Variants in PCDH15 observed in about 807,000 individuals in gnomAD.
PCDH15 encodes the protein protocadherin related 15, also known as protocadherin-15.
In PCDH15, 129 loss-of-function variants were observed where a neutral mutation model predicts 178.5. The observed-to-expected ratio is 0.72, with a 90% CI of 0.63 to 0.84. PCDH15 has a LOEUF of 0.84. Among genes scored for constraint, PCDH15 ranks in the 40% least tolerant of loss-of-function variants. The pLI, the probability that PCDH15 is intolerant of heterozygous loss-of-function variation, is 0.00. For synonymous variants in PCDH15, 800 were observed against 732.0 expected (o/e 1.09, Z -1.50); for missense variants, 2,230 against 2,099.9 (o/e 1.06, Z -1.21).
chr10:53,831,576 G>C (rs2077018541), intron 29 of PCDH15, 43 bp from the exon 30 acceptor site: 5 of 1,354,004 alleles, frequency 3.7e-6, no homozygotes, highest in Middle Eastern at 3.9e-4. Flanking sequence ...TGCTAGCAGA[G>C]AAAGAGCATT....
intron 1 of PCDH15, among the ~76,000 whole-genome samples, chr10:55,183,391 A>G (rs1225112029): frequency 6.6e-6 from 1 of 151,938 alleles, no homozygotes; most frequent in African/African-American, 2.4e-5. Flanking sequence ...TTTCAGAACT[A>G]TTCCTGAAAC....
intron 2 of PCDH15, among the ~76,000 whole-genome samples, chr10:55,094,175 C>A (rs1282685079): frequency 6.6e-6 from 1 of 152,136 alleles, no homozygotes; most frequent in South Asian, 2.1e-4. Flanking sequence ...GGATTAAGAA[C>A]ATGTGGCACA....
chr10:54,192,129 A>AG lies in PCDH15; in HGVS notation c.1305+3553_1305+3554insC, dbSNP rs1491502983. Among the ~76,000 whole-genome samples, 801 of 123,702 alleles carry AG rather than the reference A, an allele frequency of 6.5e-3. 12 individuals are homozygous for AG. The highest frequency in any genetic ancestry group is 0.028 in the African/African-American group (753 of 26,516). The allele number at this position is 123,702 out of a possible 152,430, so 81.2% of individuals were successfully genotyped here. On this transcript the variant is annotated intron_variant, in intron 11 of 37. Transcript: ENST00000644397. ...AAAGAAAAAAAAAAAAGAAAGAAAG[A>AG]AAGAGAAAGAGAAAGAAAGAAAGAA...
In PCDH15 at chr10:55,286,573, C is replaced by A. The variant is rs115778500; in HGVS notation, c.-156+33026G>T. 9.7e-3 allele frequency among the ~76,000 whole-genome samples: 1,465 copies of A among 151,640 alleles called. 23 individuals carry two copies. Among genetic ancestry groups the A allele is most frequent in the African/African-American group, 0.032 (1,335 of 41,404 alleles). On this transcript the variant is annotated intron_variant, in intron 1 of 5. Transcript: ENST00000458638. ...TTTATTGAATGCCACCTATGTTGTC[C>A]TTGCTGTAGGTGCTACAAATACAAG...
At chr10:54,415,428 T>C (rs1164077211) in intron 3 of PCDH15, among the ~76,000 whole-genome samples, 2 of 151,724 alleles carry the variant, frequency 1.3e-5, no homozygotes, top group Non-Finnish European at 2.9e-5. Flanking sequence ...AAGAGAGAAG[T>C]ACTAAAGTAA....
At chr10:55,406,906 G>A (rs1449014536) in intron 2 of PCDH15, among the ~76,000 whole-genome samples, 3 of 152,106 alleles carry the variant, frequency 2.0e-5, no homozygotes, top group Non-Finnish European at 4.4e-5. Flanking sequence ...AGTTAATTAG[G>A]ATAAAAACAT....
At chr10:54,922,470 T>A (rs976377912) in intron 2 of PCDH15, among the ~76,000 whole-genome samples, 3 of 152,032 alleles carry the variant, frequency 2.0e-5, no homozygotes, top group African/African-American at 7.2e-5. Flanking sequence ...GGCTCATATG[T>A]GGAAAGGAGT....
At chr10:53,897,080 T>C (rs370614834) in intron 26 of PCDH15, among the ~76,000 whole-genome samples, 148 of 152,206 alleles carry the variant, frequency 9.7e-4, no homozygotes, top group African/African-American at 3.3e-3. Flanking sequence ...GCCAAAAAGG[T>C]TGGGGACCGC....
chr10:55,566,196 G>A (rs1236510835), intron 2 of PCDH15, among the ~76,000 whole-genome samples: 1 of 151,080 alleles, frequency 6.6e-6, no homozygotes, highest in Non-Finnish European at 1.5e-5. Context: ...AACAATGAAG[G>A]GTAAGAATCA....
chr10:55,571,206 T>G (rs1379248490), intron 2 of PCDH15, among the ~76,000 whole-genome samples: 1 of 152,076 alleles, frequency 6.6e-6, no homozygotes, highest in Non-Finnish European at 1.5e-5. Flanking sequence ...TTTTGCCATG[T>G]GATGCACAGG....
intron 8 of PCDH15, among the ~76,000 whole-genome samples, chr10:54,280,243 T>A (rs2132698926): frequency 6.6e-6 from 1 of 151,646 alleles, no homozygotes; most frequent in Middle Eastern, 3.4e-3. Flanking sequence ...TCATGTGGCT[T>A]CTGTGATTTT....
At chr10:54,596,926 G>C (rs780972098) in intron 2 of PCDH15, among the ~76,000 whole-genome samples, 9 of 152,064 alleles carry the variant, frequency 5.9e-5, no homozygotes, top group Non-Finnish European at 1.0e-4. Context: ...ACCTAACACA[G>C]AAACATTCAG....
chr10:54,280,314 T>C (rs1360642216), intron 8 of PCDH15, among the ~76,000 whole-genome samples: 1 of 150,158 alleles, frequency 6.7e-6, no homozygotes, highest in Non-Finnish European at 1.5e-5. Flanking sequence ...AGCAGTTCAG[T>C]GGAATGAAAG....
intron 2 of PCDH15, among the ~76,000 whole-genome samples, chr10:55,557,298 GACT>G (rs1334072822): frequency 6.6e-6 from 1 of 152,070 alleles, no homozygotes; most frequent in African/African-American, 2.4e-5. Context: ...AACATAATAA[GACT>G]ATTAGACTTG....
chr10:54,263,528 C>T (rs927734756), intron 8 of PCDH15, among the ~76,000 whole-genome samples: 3 of 152,158 alleles, frequency 2.0e-5, no homozygotes, highest in East Asian at 1.9e-4. Context: ...CCAGCTCTTA[C>T]TCTTAAATCT....
intron 3 of PCDH15, among the ~76,000 whole-genome samples, chr10:54,812,482 CG>C (rs1359330685): frequency 6.6e-6 from 1 of 151,440 alleles, no homozygotes; most frequent in Non-Finnish European, 1.5e-5. Context: ...TTTTTTGAGA[CG>C]GAGTTTCACT....
At chr10:55,501,969 G>GT (rs1004131333) in intron 2 of PCDH15, among the ~76,000 whole-genome samples, 1 of 151,356 alleles carries the variant, frequency 6.6e-6, no homozygotes, top group African/African-American at 2.4e-5. Context: ...ATTTAAAAAT[G>GT]TTTTTTTTCT....
intron 3 of PCDH15, among the ~76,000 whole-genome samples, chr10:54,469,589 G>T (rs746798830): frequency 1.3e-5 from 2 of 152,142 alleles, no homozygotes; most frequent in Non-Finnish European, 2.9e-5. Context: ...CCCCATTGGC[G>T]GCAGTGCAGG....
chr10:54,174,692 T>TTTTTC (rs1564605198), intron 13 of PCDH15, among the ~76,000 whole-genome samples: 25 of 115,370 alleles, frequency 2.2e-4, no homozygotes, highest in African/African-American at 9.2e-4. Context: ...TTCTTTTTTC[T>TTTTTC]TTTTCTTTTC....
Sources: allele counts gnomAD v4.1 joint callset (sites outside exome capture counted in the v4.1 genomes callset), GRCh38; gene constraint gnomAD v4.1.1; transcripts MANE v1.5; gene names NCBI Gene and HGNC (gene_info 2026-07-23, HGNC 2026-07-21).